Variants in TOX observed in about 807,000 individuals in gnomAD.
TOX encodes thymocyte selection associated high mobility group box, also known as thymocyte selection-associated high mobility group box protein TOX.
Under a neutral mutation model 53.7 loss-of-function variants are expected in TOX, and 11 were observed. That is an observed-to-expected ratio of 0.20 (90% confidence interval 0.13 to 0.34). The LOEUF (loss-of-function observed/expected upper bound fraction) is 0.34, where lower values mean the gene tolerates loss of function less well. TOX is among the 10% of genes least tolerant of loss of function. The pLI is 1.00. For synonymous variants in TOX, 225 were observed against 245.3 expected, an observed-to-expected ratio of 0.92 and a Z score of 0.77; for missense variants, 570 against 664.6, an observed-to-expected ratio of 0.86 and a Z score of 1.56.
intron 1 of TOX, among the ~76,000 whole-genome samples, chr8:59,092,319 A>ATTATATATATTATATATTACATATACAT (rs11433613): frequency 1.1e-5 from 1 of 87,814 alleles, no homozygotes; most frequent in East Asian, 2.6e-4. Context: ...TTATATATAC[A>ATTATATATATTATATATTACATATACAT]TATATATATT....
chr8:58,977,374 T>G (rs1210408183), intron 1 of TOX, among the ~76,000 whole-genome samples: 1 of 152,254 alleles, frequency 6.6e-6, no homozygotes. Flanking sequence ...GGATTAGGCC[T>G]TGGTTTAAGG....
chr8:58,959,518 C>T (rs572085424), intron 2 of TOX, among the ~76,000 whole-genome samples: 1 of 152,200 alleles, frequency 6.6e-6, no homozygotes, highest in Non-Finnish European at 1.5e-5. Context: ...CCCCACCGGC[C>T]ATGGGATTTG....
intron 3 of TOX, among the ~76,000 whole-genome samples, chr8:58,921,360 A>G (rs565992412): frequency 1.1e-4 from 17 of 152,384 alleles, no homozygotes; most frequent in African/African-American, 4.1e-4. Context: ...CAACCTAGAT[A>G]GGAACGAATC....
chr8:58,815,274 C>G (rs527375711), intron 7 of TOX, 64 bp downstream of exon 7: 1 of 1,514,862 alleles, frequency 6.6e-7, no homozygotes, highest in East Asian at 2.3e-5. Flanking sequence ...ACAGCTCCCC[C>G]CACCTCCACC....
intron 3 of TOX, among the ~76,000 whole-genome samples, chr8:58,868,509 A>T (rs1811140164): frequency 6.6e-6 from 1 of 152,146 alleles, no homozygotes; most frequent in African/African-American, 2.4e-5. Context: ...TTTATCAGCA[A>T]ATGTGGGAAT....
chr8:58,915,467 T>C (rs1448811937), intron 3 of TOX, among the ~76,000 whole-genome samples: 5 of 111,138 alleles, frequency 4.5e-5, no homozygotes, highest in Non-Finnish European at 7.4e-5. Flanking sequence ...GGCAGGGTAT[T>C]CCAACAGACC....
chr8:58,948,302 G>T (rs1053659682), intron 2 of TOX, among the ~76,000 whole-genome samples: 18 of 152,108 alleles, frequency 1.2e-4, no homozygotes, highest in African/African-American at 3.9e-4. Context: ...TTCCAGGAAA[G>T]TCCTTAGTGT....
intron 2 of TOX, among the ~76,000 whole-genome samples, chr8:58,940,713 G>T (rs1469672984): frequency 6.6e-6 from 1 of 152,176 alleles, no homozygotes; most frequent in Non-Finnish European, 1.5e-5. Flanking sequence ...AGGCAAGGGT[G>T]GGAGCCAAAT....
chr8:58,906,791 G>T (rs1811822953), intron 3 of TOX, among the ~76,000 whole-genome samples: 1 of 152,092 alleles, frequency 6.6e-6, no homozygotes, highest in African/African-American at 2.4e-5. Context: ...CATTAGCCAG[G>T]CTTGTTTGCT....
At chr8:59,105,215 G>A (rs560859486) in intron 1 of TOX, among the ~76,000 whole-genome samples, 1 of 152,250 alleles carries the variant, frequency 6.6e-6, no homozygotes, top group Non-Finnish European at 1.5e-5. Flanking sequence ...AAAATAAGAA[G>A]TTATAATGGA....
intron 3 of TOX, among the ~76,000 whole-genome samples, chr8:58,855,861 G>T (rs1810905387): frequency 6.6e-6 from 1 of 152,100 alleles, no homozygotes; most frequent in Non-Finnish European, 1.5e-5. Context: ...TGTTTACGCT[G>T]CTCTGTCATT....
intron 2 of TOX, among the ~76,000 whole-genome samples, chr8:58,942,381 C>T (rs1812457475): frequency 6.6e-6 from 1 of 152,034 alleles, no homozygotes; most frequent in African/African-American, 2.4e-5. Context: ...AACTATACAC[C>T]AAAACCACAG....
At position 58,942,569 on chromosome 8, in the gene TOX, T is replaced by C. The variant is rs1331972266; in HGVS notation, c.169-3025A>G. Among the ~76,000 whole-genome samples the C allele has an allele frequency of 2.6e-5, 4 of 152,192 alleles. No individual in the cohort carries two copies. In the South Asian group the frequency reaches 6.2e-4, roughly 24 times the overall value. On this transcript the variant is annotated intron_variant, in intron 2 of 8. Transcript: ENST00000361421. Reference sequence around the variant, plus strand: ...AGTGGTAATTGTATAAATGCCAAAATGTCCCAGAACTTAGAACAAGTTCAA... The same window carrying C: ...AGTGGTAATTGTATAAATGCCAAAACGTCCCAGAACTTAGAACAAGTTCAA...
At chr8:58,870,209 T>A (rs1042409076) in intron 3 of TOX, among the ~76,000 whole-genome samples, 1 of 152,052 alleles carries the variant, frequency 6.6e-6, no homozygotes, top group East Asian at 1.9e-4. Context: ...CTGGAAATAA[T>A]AAGTGAATAT....
Position 58,808,211 on chromosome 8 carries a change from T to C in TOX, c.1451A>G (p.Gln484Arg). The change falls in exon 8 of 9, where the codon CAA becomes CGA. Residue 484 changes from glutamine to arginine, a missense_variant. Coordinates refer to ENST00000361421, the MANE Select transcript of TOX (RefSeq NM_014729.3). Reference sequence around the variant, plus strand: ...ATACTCCATTGCCTGGGTGACAACTTGTGCAGCTGTAGATGTAGGATTGAT... The same window carrying C: ...ATACTCCATTGCCTGGGTGACAACTCGTGCAGCTGTAGATGTAGGATTGAT... ...TIINPTSTAA[Q>R]VVTQAMEYVR... 1 of 1,614,098 alleles carries C rather than the reference T, an allele frequency of 6.2e-7. No homozygotes were observed. Among genetic ancestry groups the C allele is most frequent in the Non-Finnish European group, 8.5e-7 (1 of 1,179,986 alleles).
rs557246535 is a variant in TOX, at chr8:59,003,733, T to C, written c.103-43725A>G. 2.6e-5 allele frequency among the ~76,000 whole-genome samples: 4 copies of C among 152,344 alleles called. No homozygotes were observed. In the South Asian group the frequency reaches 8.3e-4, roughly 32 times the overall value. Reference sequence around the variant, plus strand: ...GTATATGTGGACTTTCTGGGAATCATTTTTTATTATGAAAACCTTGATGTA... The same window carrying C: ...GTATATGTGGACTTTCTGGGAATCACTTTTTATTATGAAAACCTTGATGTA... On this transcript the variant is annotated intron_variant, in intron 1 of 8. Transcript: ENST00000361421.
chr8:58,925,187 T>G (rs1374412804), intron 3 of TOX, among the ~76,000 whole-genome samples: 1 of 152,218 alleles, frequency 6.6e-6, no homozygotes, highest in Non-Finnish European at 1.5e-5. Context: ...TCAGAAAATT[T>G]GAGTTTTTTA....
chr8:58,951,564 T>A (rs988735511), intron 2 of TOX, among the ~76,000 whole-genome samples: 1 of 152,164 alleles, frequency 6.6e-6, no homozygotes, highest in African/African-American at 2.4e-5. Context: ...TCACCTGGCA[T>A]CCCTATTTTC....
chr8:58,850,072 C>T (rs1314747570), intron 4 of TOX, among the ~76,000 whole-genome samples: 1 of 152,196 alleles, frequency 6.6e-6, no homozygotes, highest in Admixed American at 6.5e-5. Flanking sequence ...CAATTAGTTT[C>T]TTCCTGCCTT....
Sources: allele counts gnomAD v4.1 joint callset (sites outside exome capture counted in the v4.1 genomes callset), GRCh38; gene constraint gnomAD v4.1.1; transcripts MANE v1.5; gene names NCBI Gene and HGNC (gene_info 2026-07-23, HGNC 2026-07-21).